Variants in CCNY observed in about 807,000 individuals in gnomAD.
The protein encoded by CCNY is cyclin Y.
In CCNY, 19 loss-of-function variants were observed where a neutral mutation model predicts 42.8. The ratio of observed to expected loss-of-function variants is 0.44; its 90% CI spans 0.31 to 0.65. The LOEUF is 0.65. Among genes scored for constraint, CCNY ranks in the 30% least tolerant of loss-of-function variants. The probability of loss-of-function intolerance (pLI) is 0.07; values close to 1 mark genes in which losing one functional copy is unlikely to be tolerated. For missense variants in CCNY, 370 were observed against 437.3 expected, an observed-to-expected ratio of 0.85 and a Z score of 1.37; for synonymous variants, 165 against 162.7, an observed-to-expected ratio of 1.01 and a Z score of -0.11.
chr10:35,357,778 A>G (rs748858102), intron 1 of CCNY, among the ~76,000 whole-genome samples: 4 of 152,206 alleles, frequency 2.6e-5, no homozygotes, highest in African/African-American at 9.7e-5. Flanking sequence ...TTCACTCACA[A>G]GTTTTAGTAT....
At chr10:35,337,849 A>G (rs1589043276) in intron 1 of CCNY, among the ~76,000 whole-genome samples, 2 of 152,180 alleles carry the variant, frequency 1.3e-5, no homozygotes, top group Admixed American at 6.5e-5. Flanking sequence ...CAGTTTTTGC[A>G]TGGGCCCGAA....
At chr10:35,556,288 G>T (rs947569950) in intron 8 of CCNY, among the ~76,000 whole-genome samples, 6 of 152,184 alleles carry the variant, frequency 3.9e-5, no homozygotes, top group African/African-American at 1.4e-4. Context: ...ACTGCCCTCT[G>T]TCAGGCTGGA....
chr10:35,399,215 C>T (rs1296304205), intron 1 of CCNY, among the ~76,000 whole-genome samples: 1 of 152,096 alleles, frequency 6.6e-6, no homozygotes, highest in African/African-American at 2.4e-5. Flanking sequence ...GTGAGGGTGG[C>T]ATTTTGGATG....
At chr10:35,316,945 A>T (rs1835767219) in intron 3 of CCNY, among the ~76,000 whole-genome samples, 1 of 152,124 alleles carries the variant, frequency 6.6e-6, no homozygotes, top group South Asian at 2.1e-4. Context: ...TCTTGGGTTC[A>T]AGTGATTCTC....
chr10:35,553,555 C>T (rs1263976353), intron 8 of CCNY, among the ~76,000 whole-genome samples: 1 of 152,152 alleles, frequency 6.6e-6, no homozygotes. Context: ...GGTAATGCCG[C>T]CATACAGTCC....
intron 1 of CCNY, among the ~76,000 whole-genome samples, chr10:35,337,827 T>A (rs1418888585): frequency 6.6e-6 from 1 of 152,144 alleles, no homozygotes; most frequent in Non-Finnish European, 1.5e-5. Flanking sequence ...CAGACACCTT[T>A]GGGTTAAGTC....
At chr10:35,489,181 T>C (rs1437221964) in intron 2 of CCNY, among the ~76,000 whole-genome samples, 1 of 152,190 alleles carries the variant, frequency 6.6e-6, no homozygotes, top group African/African-American at 2.4e-5. Flanking sequence ...CGGATAATTA[T>C]TAAACAAAAA....
intron 3 of CCNY, among the ~76,000 whole-genome samples, chr10:35,279,737 G>A (rs1835278530): frequency 6.6e-6 from 1 of 152,188 alleles, no homozygotes; most frequent in Admixed American, 6.5e-5. Flanking sequence ...CACCCTTCAG[G>A]ACTGTCATGC....
At chr10:35,479,659 G>C (rs1173166340) in intron 1 of CCNY, among the ~76,000 whole-genome samples, 2 of 148,944 alleles carry the variant, frequency 1.3e-5, no homozygotes, top group Non-Finnish European at 3.0e-5. Context: ...CCTAATGCTA[G>C]ATGACGAGTT....
At chr10:35,438,163 T>G (rs2135290613) in intron 1 of CCNY, among the ~76,000 whole-genome samples, 1 of 151,966 alleles carries the variant, frequency 6.6e-6, no homozygotes, top group East Asian at 1.9e-4. Context: ...TTTTTTTTTT[T>G]TTCTGAGGCA....
chr10:35,536,881 A>G lies in CCNY; in HGVS notation c.579+6638A>G, dbSNP rs184058097. ...GACAGTCTGATAGAAAAGAAACACC[A>G]TTTTCTGAGGAGAAATTCATGCAGG... is the stretch of plus-strand genomic sequence containing the variant. On this transcript the variant is annotated intron_variant, in intron 7 of 9. Coordinates refer to ENST00000374704, the MANE Select transcript of CCNY (RefSeq NM_145012.6). Among the ~76,000 whole-genome samples the G allele has an allele frequency of 3.0e-3, 454 of 152,284 alleles. 17 individuals carry two copies. Among genetic ancestry groups the G allele is most frequent in the Admixed American group, 0.027 (420 of 15,306 alleles).
At chr10:35,491,221 C>T (rs1370942255) in intron 2 of CCNY, among the ~76,000 whole-genome samples, 1 of 152,184 alleles carries the variant, frequency 6.6e-6, no homozygotes, top group Non-Finnish European at 1.5e-5. Flanking sequence ...CCTTTGTCTT[C>T]CATTAGTGGG....
At chr10:35,420,763 T>G (rs997340259) in intron 1 of CCNY, among the ~76,000 whole-genome samples, 1 of 152,218 alleles carries the variant, frequency 6.6e-6, no homozygotes, top group Non-Finnish European at 1.5e-5. Context: ...TGCTTTCTTT[T>G]GGCAGTTTTG....
chr10:35,567,993 A>G (rs1841605360), intron 9 of CCNY, among the ~76,000 whole-genome samples: 1 of 152,346 alleles, frequency 6.6e-6, no homozygotes, highest in Non-Finnish European at 1.5e-5. Context: ...CCCTGAGAGC[A>G]TGAGCCCCCT....
chr10:35,519,776 CTTTTTTTTTTTTT>C (rs1177122335), intron 4 of CCNY, among the ~76,000 whole-genome samples: 1 of 74,660 alleles, frequency 1.3e-5, no homozygotes, highest in African/African-American at 5.8e-5. Flanking sequence ...CTTTTCTTTT[CTTTTTTTTTTTTT>C]TTTTTTTTTT....
chr10:35,518,852 G>A (rs1219169890), intron 4 of CCNY, among the ~76,000 whole-genome samples: 1 of 120,610 alleles, frequency 8.3e-6, no homozygotes, highest in Non-Finnish European at 1.7e-5. Flanking sequence ...TATGCTGTGA[G>A]TATCTGGATT....
intron 1 of CCNY, among the ~76,000 whole-genome samples, chr10:35,478,627 C>CA (rs1839579422): frequency 2.0e-5 from 3 of 152,120 alleles, no homozygotes; most frequent in Admixed American, 2.0e-4. Context: ...ACACCTTATG[C>CA]AAAAATCAAT....
intron 1 of CCNY, among the ~76,000 whole-genome samples, chr10:35,402,844 A>G (rs970996847): frequency 6.6e-6 from 1 of 152,214 alleles, no homozygotes; most frequent in Non-Finnish European, 1.5e-5. Flanking sequence ...CTAAATACCA[A>G]GAGCCTGAGA....
chr10:35,426,032 C>A (rs571077062), intron 1 of CCNY, among the ~76,000 whole-genome samples: 1 of 151,626 alleles, frequency 6.6e-6, no homozygotes, highest in African/African-American at 2.4e-5. Context: ...CACCAAGGAG[C>A]CCACTCAGTC....
Sources: allele counts gnomAD v4.1 joint callset (sites outside exome capture counted in the v4.1 genomes callset), GRCh38; gene constraint gnomAD v4.1.1; transcripts MANE v1.5; gene names NCBI Gene and HGNC (gene_info 2026-07-23, HGNC 2026-07-21).